Variants in R3HDM1 observed in about 807,000 individuals in gnomAD.
The protein encoded by R3HDM1 is R3H domain containing 1.
In R3HDM1, 46 loss-of-function variants were observed where a neutral mutation model predicts 141.1. The observed-to-expected ratio is 0.33, with a 90% confidence interval of 0.26 to 0.42. The LOEUF (loss-of-function observed/expected upper bound fraction) is 0.42, where lower values mean the gene tolerates loss of function less well. Ranked by LOEUF, R3HDM1 falls within the 10% of genes least tolerant of loss-of-function variation. The pLI is 1.00. For missense variants in R3HDM1, 1,184 were observed against 1,368.3 expected, an observed-to-expected ratio of 0.87 and a Z score of 2.12; for synonymous variants, 435 against 472.9, an observed-to-expected ratio of 0.92 and a Z score of 1.04.
At chr2:135,617,286 C>T (rs1477370116) in intron 5 of R3HDM1, among the ~76,000 whole-genome samples, 1 of 151,870 alleles carries the variant, frequency 6.6e-6, no homozygotes, top group Non-Finnish European at 1.5e-5. Flanking sequence ...CAGATCGCAC[C>T]ACTGCACTCC....
At chr2:135,652,755 A>T (rs2065282015) in intron 18 of R3HDM1, among the ~76,000 whole-genome samples, 1 of 152,194 alleles carries the variant, frequency 6.6e-6, no homozygotes, top group Non-Finnish European at 1.5e-5. Flanking sequence ...TCACCAATGA[A>T]TTCATCTAAA....
chr2:135,560,920 A>G (rs1469294605), intron 1 of R3HDM1, among the ~76,000 whole-genome samples: 1 of 152,218 alleles, frequency 6.6e-6, no homozygotes, highest in Non-Finnish European at 1.5e-5. Flanking sequence ...ATGACATGGA[A>G]GGCAGATAAT....
At chr2:135,698,064 A>T (rs2073536677) in intron 21 of R3HDM1, among the ~76,000 whole-genome samples, 1 of 151,644 alleles carries the variant, frequency 6.6e-6, no homozygotes, top group African/African-American at 2.4e-5. Flanking sequence ...AAAAAAAAAA[A>T]AAAAAAAGTA....
intron 16 of R3HDM1, among the ~76,000 whole-genome samples, chr2:135,646,797 C>T (rs2064486193): frequency 6.7e-6 from 1 of 148,150 alleles, no homozygotes; most frequent in Non-Finnish European, 1.5e-5. Flanking sequence ...GAGCCGAGAT[C>T]AGGCCACTCC....
intron 21 of R3HDM1, among the ~76,000 whole-genome samples, chr2:135,693,219 G>A (rs2072716758): frequency 6.6e-6 from 1 of 152,236 alleles, no homozygotes; most frequent in African/African-American, 2.4e-5. Context: ...CAAAGTTAGT[G>A]TTCTTTGTCA....
rs148338597 is a variant in R3HDM1 at position 135,581,310 on chromosome 2, C to T, written c.-249-21190C>T. 788 of 985,346 alleles carry T rather than the reference C, an allele frequency of 8.0e-4. 1 individual carries two copies. Among genetic ancestry groups the T allele is most frequent in the Middle Eastern group, 7.8e-3 (15 of 1,914 alleles). The allele number at this position is 985,346 out of a possible 1,614,324, so 61.0% of individuals were successfully genotyped here. ...GATCCACAGTAGGGGAACTCTCATG[C>T]GTCCTTCCTTATACTCATAATTCCA... On this transcript the variant is annotated intron_variant, in intron 1 of 26. Coordinates refer to ENST00000683871, the MANE Select transcript of R3HDM1 (RefSeq NM_001378107.1).
At chr2:135,595,603 C>CT (rs1559197674) in intron 1 of R3HDM1, among the ~76,000 whole-genome samples, 1 of 152,158 alleles carries the variant, frequency 6.6e-6, no homozygotes, top group Non-Finnish European at 1.5e-5. Flanking sequence ...ATAAATAACT[C>CT]TTTAAGGGTT....
chr2:135,722,218 C>T (rs950486101), intron 25 of R3HDM1, among the ~76,000 whole-genome samples: 6 of 152,134 alleles, frequency 3.9e-5, no homozygotes, highest in African/African-American at 1.4e-4. Flanking sequence ...TTCTCTAGTG[C>T]CACCCAAAGA....
intron 21 of R3HDM1, among the ~76,000 whole-genome samples, chr2:135,682,630 G>C (rs534061085): frequency 1.3e-5 from 2 of 152,228 alleles, no homozygotes; most frequent in Non-Finnish European, 2.9e-5. Flanking sequence ...GCTTTGGCCT[G>C]AGGGATAGCC....
At chr2:135,664,122 C>T (rs1037229222) in intron 19 of R3HDM1, among the ~76,000 whole-genome samples, 1 of 150,650 alleles carries the variant, frequency 6.6e-6, no homozygotes, top group African/African-American at 2.4e-5. Flanking sequence ...GGGAAATTAA[C>T]ATGATAGTTT....
Position 135,679,602 on chromosome 2 carries a change from T to G in R3HDM1, c.2308-571T>G, listed in dbSNP as rs74734269. On this transcript the variant is annotated intron_variant, in intron 20 of 26. Coordinates refer to ENST00000683871, the MANE Select transcript of R3HDM1 (RefSeq NM_001378107.1). ...TCTTTCTATATCAAATGGCCATCCTTATGTGGAAAGTTTCTTTTTCATAAT... is the reference window on the plus strand; with the variant it reads ...TCTTTCTATATCAAATGGCCATCCTGATGTGGAAAGTTTCTTTTTCATAAT... Among the ~76,000 whole-genome samples, 101 of 152,344 alleles carry G rather than the reference T, an allele frequency of 6.6e-4. 3 individuals carry two copies. In the East Asian group the frequency reaches 0.018, roughly 26 times the overall value.
intron 1 of R3HDM1, chr2:135,577,044 G>GAAA: frequency 1.1e-5 from 7 of 658,936 alleles, no homozygotes; most frequent in African/African-American, 2.5e-5. Flanking sequence ...TGTTACAAAA[G>GAAA]AAAAAAAAAA....
chr2:135,571,661 C>T (rs1005941196), intron 1 of R3HDM1, among the ~76,000 whole-genome samples: 11 of 148,166 alleles, frequency 7.4e-5, no homozygotes, highest in African/African-American at 2.8e-4. Flanking sequence ...GGGTCTCACT[C>T]TCTTGCCCAG....
intron 1 of R3HDM1, among the ~76,000 whole-genome samples, chr2:135,585,751 A>G (rs1707763042): frequency 6.6e-6 from 1 of 152,220 alleles, no homozygotes; most frequent in Admixed American, 6.5e-5. Context: ...ATGAGGCAGA[A>G]TTGTCCTCGG....
intron 1 of R3HDM1, among the ~76,000 whole-genome samples, chr2:135,532,854 T>G (rs1245136954): frequency 6.6e-6 from 1 of 152,230 alleles, no homozygotes; most frequent in African/African-American, 2.4e-5. Flanking sequence ...ACGCTCGTCT[T>G]TTCAAATACC....
chr2:135,631,139 A>G (rs1377702303), intron 7 of R3HDM1, among the ~76,000 whole-genome samples: 2 of 152,148 alleles, frequency 1.3e-5, no homozygotes, highest in Non-Finnish European at 2.9e-5. Flanking sequence ...AGTCCCATCT[A>G]CATACTAGTA....
chr2:135,675,882 G>A (rs563080830), intron 20 of R3HDM1, among the ~76,000 whole-genome samples: 175 of 152,324 alleles, frequency 1.1e-3, no homozygotes, highest in African/African-American at 3.6e-3. Flanking sequence ...ATAGAGGTTA[G>A]TGGTAGATAT....
intron 1 of R3HDM1, among the ~76,000 whole-genome samples, chr2:135,547,704 G>A (rs1699000393): frequency 6.6e-6 from 1 of 150,936 alleles, no homozygotes; most frequent in South Asian, 2.1e-4. Flanking sequence ...ATATTTTCCC[G>A]AGGAAGGTTG....
intron 24 of R3HDM1, among the ~76,000 whole-genome samples, chr2:135,716,809 G>A (rs1045414728): frequency 1.3e-5 from 2 of 151,986 alleles, no homozygotes; most frequent in African/African-American, 4.8e-5. Flanking sequence ...AAAACAAGCT[G>A]GGCGTGGTGG....
Sources: allele counts gnomAD v4.1 joint callset (sites outside exome capture counted in the v4.1 genomes callset), GRCh38; gene constraint gnomAD v4.1.1; transcripts MANE v1.5; gene names NCBI Gene and HGNC (gene_info 2026-07-23, HGNC 2026-07-21).